The following ROBO2 variants were observed in gnomAD, a reference collection of about 807,000 sequenced individuals.
The protein encoded by ROBO2 is roundabout guidance receptor 2.
ROBO2 carries 53 observed loss-of-function variants against 160.8 expected under a neutral mutation model. The ratio of observed to expected loss-of-function variants is 0.33; its 90% CI spans 0.26 to 0.41. The LOEUF (loss-of-function observed/expected upper bound fraction) is 0.41. Ranked by LOEUF, ROBO2 falls within the 10% of genes least tolerant of loss-of-function variation. ROBO2 has a pLI of 1.00. For synonymous variants in ROBO2, 664 were observed against 611.7 expected, an observed-to-expected ratio of 1.09 and a Z score of -1.26; for missense variants, 1,577 against 1,722.4, an observed-to-expected ratio of 0.92 and a Z score of 1.49.
At chr3:77,426,501 A>G (rs1334481639) in intron 2 of ROBO2, among the ~76,000 whole-genome samples, 1 of 151,940 alleles carries the variant, frequency 6.6e-6, no homozygotes, top group Non-Finnish European at 1.5e-5. Context: ...GAATATATAG[A>G]TAATTGAAGG....
chr3:76,507,033 T>G (rs2107703649), intron 2 of ROBO2, among the ~76,000 whole-genome samples: 1 of 152,314 alleles, frequency 6.6e-6, no homozygotes, highest in African/African-American at 2.4e-5. Context: ...TAGTATCAAT[T>G]GTAACAATTT....
chr3:77,623,159 A>G (rs1052048513), intron 23 of ROBO2, among the ~76,000 whole-genome samples: 4 of 152,184 alleles, frequency 2.6e-5, no homozygotes, highest in Admixed American at 1.3e-4. Context: ...AATGGACACA[A>G]TGAATTTGGA....
intron 2 of ROBO2, among the ~76,000 whole-genome samples, chr3:76,693,079 T>C (rs577295544): frequency 1.3e-5 from 2 of 149,798 alleles, no homozygotes; most frequent in South Asian, 2.1e-4. Flanking sequence ...ATATATAGTG[T>C]ATATATTTAG....
intron 2 of ROBO2, among the ~76,000 whole-genome samples, chr3:76,467,641 C>A (rs2078432716): frequency 6.6e-6 from 1 of 152,082 alleles, no homozygotes; most frequent in Admixed American, 6.6e-5. Flanking sequence ...GCTGTAAGTT[C>A]TATCTAGCTG....
intron 2 of ROBO2, among the ~76,000 whole-genome samples, chr3:76,086,281 A>G (rs1037760918): frequency 7.2e-5 from 11 of 152,286 alleles, no homozygotes; most frequent in African/African-American, 2.6e-4. Flanking sequence ...ACCAGATCTC[A>G]GGAGAATTCG....
chr3:76,303,341 T>TTG (rs756361457), intron 2 of ROBO2, among the ~76,000 whole-genome samples: 137 of 151,114 alleles, frequency 9.1e-4, no homozygotes, highest in East Asian at 4.1e-3. Context: ...TAAACTTTAA[T>TTG]TGTGTGTGTG....
chr3:76,524,413 G>T (rs1041896941), intron 2 of ROBO2, among the ~76,000 whole-genome samples: 3 of 151,842 alleles, frequency 2.0e-5, no homozygotes, highest in Admixed American at 2.0e-4. Context: ...TGCCCTATGG[G>T]TCACTTAAAT....
At chr3:77,130,900 C>T (rs893389424) in intron 2 of ROBO2, among the ~76,000 whole-genome samples, 1 of 152,150 alleles carries the variant, frequency 6.6e-6, no homozygotes, top group African/African-American at 2.4e-5. Flanking sequence ...GATACACTGA[C>T]AGTATGGTTA....
At chr3:76,467,918 TC>T (rs2078447870) in intron 2 of ROBO2, among the ~76,000 whole-genome samples, 1 of 152,180 alleles carries the variant, frequency 6.6e-6, no homozygotes, top group Non-Finnish European at 1.5e-5. Context: ...ATTTGAGATG[TC>T]ATAAGTAGTA....
intron 2 of ROBO2, among the ~76,000 whole-genome samples, chr3:76,270,065 TTGAC>T (rs1205203047): frequency 6.6e-6 from 1 of 152,108 alleles, no homozygotes; most frequent in Non-Finnish European, 1.5e-5. Flanking sequence ...AAAATTGGAA[TTGAC>T]TGTCATATTG....
intron 2 of ROBO2, among the ~76,000 whole-genome samples, chr3:76,114,938 A>G (rs2070394425): frequency 6.6e-6 from 1 of 152,130 alleles, no homozygotes; most frequent in South Asian, 2.1e-4. Context: ...TTGCTCTTGA[A>G]TGGGCATTTC....
chr3:77,478,137 C>G (rs1203630081), intron 3 of ROBO2, among the ~76,000 whole-genome samples: 3 of 152,008 alleles, frequency 2.0e-5, no homozygotes, highest in East Asian at 1.9e-4. Flanking sequence ...TGTTTTAGCT[C>G]TTTTATAAAA....
At chr3:76,070,707 C>T (rs1379771815) in intron 2 of ROBO2, among the ~76,000 whole-genome samples, 1 of 152,010 alleles carries the variant, frequency 6.6e-6, no homozygotes, top group Admixed American at 6.6e-5. Context: ...TAAAGCTGGG[C>T]ATCATGGAAC....
chr3:76,999,915 T>C (rs1293732764), intron 2 of ROBO2, among the ~76,000 whole-genome samples: 1 of 152,146 alleles, frequency 6.6e-6, no homozygotes, highest in Non-Finnish European at 1.5e-5. Context: ...ATGGATAAAT[T>C]TTCATTGCTT....
chr3:77,098,027 C>A (rs754465225), exon 2 of ROBO2: 2 of 1,571,776 alleles, frequency 1.3e-6, no homozygotes, highest in South Asian at 1.2e-5. Context: ...CGCGTCTTCG[C>A]CAGGAGGACT....
intron 21 of ROBO2, 116 bp from the exon 23 acceptor site, chr3:77,617,397 A>C (rs746173022): frequency 3.0e-5 from 35 of 1,184,660 alleles, no homozygotes; most frequent in Admixed American, 1.8e-5. Context: ...AGGAAGAAAT[A>C]AACCGAGAGA....
chr3:76,353,625 C>G (rs1366985302), intron 2 of ROBO2, among the ~76,000 whole-genome samples: 2 of 151,866 alleles, frequency 1.3e-5, no homozygotes, highest in African/African-American at 2.4e-5. Context: ...TCTATACCTT[C>G]CTTTTTGTTC....
chr3:76,621,388 T>C (rs1487036500), intron 2 of ROBO2, among the ~76,000 whole-genome samples: 4 of 152,236 alleles, frequency 2.6e-5, no homozygotes, highest in Admixed American at 1.3e-4. Context: ...TGCTTTGCAT[T>C]ATGTGCTGAA....
intron 2 of ROBO2, among the ~76,000 whole-genome samples, chr3:76,608,437 T>A (rs1174684922): frequency 1.3e-5 from 2 of 152,200 alleles, no homozygotes; most frequent in Non-Finnish European, 2.9e-5. Flanking sequence ...TAGCCTCATG[T>A]TTCGCCATAC....
Sources: gnomAD v4.1 joint callset for allele counts (sites outside exome capture counted in the v4.1 genomes callset) on GRCh38, gnomAD v4.1.1 for gene constraint, MANE v1.5 for transcripts, NCBI Gene and HGNC (gene_info 2026-07-23, HGNC 2026-07-21) for gene names.